TMEM52B: variants seen among roughly 807,000 people sequenced by gnomAD.
TMEM52B encodes transmembrane protein 52B.
Under a neutral mutation model 16.1 loss-of-function variants are expected in TMEM52B, and 11 were observed. That is an observed-to-expected ratio of 0.68 (90% CI 0.43 to 1.13). The LOEUF (loss-of-function observed/expected upper bound fraction) is 1.13. Among genes scored for constraint, TMEM52B ranks in the 50% most tolerant of loss-of-function variants. The probability of loss-of-function intolerance (pLI) is 0.00; values close to 1 mark genes in which losing one functional copy is unlikely to be tolerated. For missense variants in TMEM52B, 243 were observed against 230.4 expected, an observed-to-expected ratio of 1.05 and a Z score of -0.35; for synonymous variants, 101 against 93.8, an observed-to-expected ratio of 1.08 and a Z score of -0.45.
rs1414086851 is a variant in TMEM52B, at chr12:10,182,047, A to C, written c.55-503A>C. On this transcript the variant is annotated intron_variant, in intron 1 of 4. Transcript: ENST00000543484. ...AAAAAAAAAAAAAAAAAAACAAAAA[A>C]AAAAAACTTGTTAGCAGTCTGAGTG... 68 of 598,614 alleles carry C rather than the reference A, an allele frequency of 1.1e-4. 1 individual carries two copies. Among genetic ancestry groups the C allele is most frequent in the Non-Finnish European group, 1.3e-4 (62 of 477,428 alleles). 37.1% of individuals were successfully genotyped at this position (598,614 alleles called of 1,614,324 possible). A position where few individuals can be genotyped will look rare whatever the true frequency, so the allele number is the denominator to read the frequency against.
At chr12:10,174,232 T>A (rs1416266495), upstream of TMEM52B, among the ~76,000 whole-genome samples, 2 of 152,028 alleles carry the variant, frequency 1.3e-5, no homozygotes, top group African/African-American at 4.8e-5. Context: ...GGCTAATTGT[T>A]TTGTATTTTC....
intron 1 of TMEM52B, among the ~76,000 whole-genome samples, chr12:10,181,127 G>C (rs916376047): frequency 1.5e-4 from 23 of 152,002 alleles, no homozygotes; most frequent in African/African-American, 5.6e-4. Context: ...TTTTGAAAGA[G>C]GAAGTCAACT....
At chr12:10,177,719 G>A (rs554329165), upstream of TMEM52B, among the ~76,000 whole-genome samples, 15 of 149,224 alleles carry the variant, frequency 1.0e-4, no homozygotes, top group African/African-American at 3.4e-4. Flanking sequence ...GCAGTGAGCC[G>A]AGATTGCACC....
chr12:10,181,251 C>T (rs1246379590), intron 1 of TMEM52B, among the ~76,000 whole-genome samples: 1 of 152,050 alleles, frequency 6.6e-6, no homozygotes, highest in African/African-American at 2.4e-5. Flanking sequence ...AAACTTGTCC[C>T]CAGTGCTATT....
At chr12:10,189,260 T>C (rs149227788) in intron 4 of TMEM52B, among the ~76,000 whole-genome samples, 3,020 of 148,720 alleles carry the variant, frequency 0.02, 43 homozygotes, top group Middle Eastern at 0.036. Flanking sequence ...AAGGAGTCTA[T>C]AGTATCGGGG....
chr12:10,181,531 T>C (rs1948822388), intron 1 of TMEM52B, among the ~76,000 whole-genome samples: 1 of 151,314 alleles, frequency 6.6e-6, no homozygotes, highest in African/African-American at 2.4e-5. Context: ...GATTTCACCA[T>C]GTTGGCCAGG....
Position 10,190,248 on chromosome 12 carries a change from C to A in TMEM52B, c.*108C>A. The A allele has an allele frequency of 2.9e-6, 4 of 1,375,214 alleles. No individual in the cohort carries two copies. The highest frequency in any genetic ancestry group is 4.0e-6 in the Non-Finnish European group (4 of 994,162). The allele number at this position is 1,375,214 out of a possible 1,614,324, so 85.2% of individuals were successfully genotyped here. On this transcript the variant is annotated 3_prime_UTR_variant, in exon 5 of 5. Transcript: ENST00000543484. ...GAAGTTTTAAGATGGCATCTAACAC[C>A]ATCATTCTATGGGAAAGATGGTTCT...
At chr12:10,174,452 C>T (rs184008622), upstream of TMEM52B, among the ~76,000 whole-genome samples, 6 of 152,204 alleles carry the variant, frequency 3.9e-5, no homozygotes, top group East Asian at 1.9e-4. Context: ...AAGTAGATTT[C>T]GCTGCATAAT....
At chr12:10,179,771 G>A (rs1948801414) in intron 1 of TMEM52B, 143 bp downstream of exon 1, 3 of 885,968 alleles carry the variant, frequency 3.4e-6, no homozygotes, top group South Asian at 1.5e-5. Context: ...AAACTACAAA[G>A]TTTCCTTAGT....
intron 3 of TMEM52B, among the ~76,000 whole-genome samples, chr12:10,185,704 T>C (rs1175131204): frequency 6.6e-6 from 1 of 151,620 alleles, no homozygotes; most frequent in Non-Finnish European, 1.5e-5. Context: ...GGCCAGGAGT[T>C]CGAGACCAGC....
chr12:10,182,041 CAAA>C (rs34826487), intron 1 of TMEM52B: 220 of 372,408 alleles, frequency 5.9e-4, no homozygotes, highest in African/African-American at 4.7e-3. Context: ...AAAAAAAAAA[CAAA>C]AAAAAAAAAC....
At chr12:10,183,838 G>A (rs1314272027) in intron 2 of TMEM52B, among the ~76,000 whole-genome samples, 7 of 151,954 alleles carry the variant, frequency 4.6e-5, no homozygotes, top group Non-Finnish European at 1.0e-4. Flanking sequence ...CTTTACGGTG[G>A]GTGTGATATT....
At chr12:10,177,096 G>A (rs928612369), upstream of TMEM52B, among the ~76,000 whole-genome samples, 2 of 152,118 alleles carry the variant, frequency 1.3e-5, no homozygotes, top group African/African-American at 4.8e-5. Context: ...GTATGAATGG[G>A]AACGTTAAGG....
chr12:10,188,837 T>G (rs370963522), intron 4 of TMEM52B, among the ~76,000 whole-genome samples: 12 of 151,372 alleles, frequency 7.9e-5, no homozygotes, highest in Admixed American at 2.0e-4. Context: ...GCTAACGCAG[T>G]GAAACCCCAT....
intron 1 of TMEM52B, among the ~76,000 whole-genome samples, chr12:10,173,553 G>T (rs1040173664): frequency 6.6e-6 from 1 of 151,852 alleles, no homozygotes; most frequent in South Asian, 2.1e-4. Context: ...GCTGAGGGGG[G>T]GGGTGGATCA....
intron 4 of TMEM52B, 49 bp from the exon 5 acceptor site, chr12:10,189,847 G>T (rs1485189170): frequency 6.2e-7 from 1 of 1,602,322 alleles, no homozygotes; most frequent in South Asian, 1.1e-5. Flanking sequence ...CTGTCTGAGG[G>T]TGTCCTGTTT....
chr12:10,189,182 G>C (rs1326950093), intron 4 of TMEM52B, among the ~76,000 whole-genome samples: 2 of 145,966 alleles, frequency 1.4e-5, no homozygotes, highest in Non-Finnish European at 3.0e-5. Context: ...CAACCTGGGT[G>C]ACAGAGTGAG....
upstream of TMEM52B, among the ~76,000 whole-genome samples, chr12:10,177,007 A>G (rs1271593148): frequency 3.3e-5 from 5 of 152,224 alleles, no homozygotes; most frequent in Admixed American, 2.0e-4. Flanking sequence ...ATCCTATTCA[A>G]AATGCTTTCC....
In TMEM52B at chr12:10,179,600, CG is replaced by C. The variant is rs769314397; in HGVS notation, c.28del (p.Ala10ProfsTer26). 2.5e-6 allele frequency: 4 copies of C among 1,614,156 alleles called. No homozygotes were observed. Among genetic ancestry groups the C allele is most frequent in the Non-Finnish European group, 3.4e-6 (4 of 1,180,036 alleles). On this transcript the variant is annotated frameshift_variant, in exon 1 of 5. Transcript: ENST00000543484. LOFTEE classifies it high-confidence loss of function. ...ATGGGAGTCCGAGTTCATGTCGTGG[CG>C]GCCTCAGCCCTGCTGTATTTCATCC... is the stretch of plus-strand genomic sequence containing the variant. MGVRVHVV[A>X]ASALLYFILL...
Sources: gnomAD v4.1 joint callset for allele counts (sites outside exome capture counted in the v4.1 genomes callset) on GRCh38, gnomAD v4.1.1 for gene constraint, MANE v1.5 for transcripts, NCBI Gene and HGNC (gene_info 2026-07-23, HGNC 2026-07-21) for gene names.